Variants in CPSF3 observed in about 807,000 individuals in gnomAD.
The protein encoded by CPSF3 is cleavage and polyadenylation specific factor 3.
In CPSF3, 57 loss-of-function variants were observed where a neutral mutation model predicts 84.1. That is an observed-to-expected ratio of 0.68 (90% CI 0.55 to 0.85). CPSF3 has a LOEUF of 0.85. Ranked by LOEUF, CPSF3 falls within the 40% of genes least tolerant of loss-of-function variation. The pLI is 0.00. For missense variants in CPSF3, 522 were observed against 838.8 expected, an observed-to-expected ratio of 0.62 and a Z score of 4.66; for synonymous variants, 275 against 278.1, an observed-to-expected ratio of 0.99 and a Z score of 0.11.
chr2:9,455,326 G>A (rs949567854), intron 12 of CPSF3, among the ~76,000 whole-genome samples: 1 of 152,022 alleles, frequency 6.6e-6, no homozygotes, highest in South Asian at 2.1e-4. Context: ...AGTAGAGACG[G>A]TGTTTCACAA....
chr2:9,465,542 TACACAC>T (rs59250489), intron 15 of CPSF3, among the ~76,000 whole-genome samples: 1 of 149,768 alleles, frequency 6.7e-6, no homozygotes, highest in African/African-American at 2.4e-5. Context: ...CCCCATATCA[TACACAC>T]ACACACACAC....
At position 9,448,277 on chromosome 2, in the gene CPSF3, T is replaced by C; in HGVS notation, c.1322T>C (p.Val441Ala). Reference sequence around the variant, plus strand: ...CGAGAATATGAAGATAACGATGAAGTTCACATAGAGGTTCATAATCCTCGG... The same window carrying C: ...CGAGAATATGAAGATAACGATGAAGCTCACATAGAGGTTCATAATCCTCGG... ...LIREYEDNDEVHIEVHNPRNT... is the reference protein window; with the variant it reads ...LIREYEDNDEAHIEVHNPRNT... The change falls in exon 11 of 18, where the codon GTT becomes GCT. Residue 441 changes from valine (V) to alanine (A), a missense_variant. Around this residue, in one of 2 missense-constraint regions of CPSF3, gnomAD observed 329 missense variants for 607.2 expected, o/e 0.54. Transcript: ENST00000238112. The C allele has an allele frequency of 6.2e-7, 1 of 1,612,900 alleles. No individual in the cohort carries two copies. Among genetic ancestry groups the C allele is most frequent in the Non-Finnish European group, 8.5e-7 (1 of 1,179,072 alleles).
rs59748918 is a variant in CPSF3, at chr2:9,449,376, C to T, written c.1395+1026C>T. ...GAGAGATGGAGGTTGCGGTGAGCTGCGATCGCGCCAATGCACTCCAGCCTG... is the reference window on the plus strand; with the variant it reads ...GAGAGATGGAGGTTGCGGTGAGCTGTGATCGCGCCAATGCACTCCAGCCTG... On this transcript the variant is annotated intron_variant, in intron 11 of 17. Coordinates refer to ENST00000238112, the MANE Select transcript of CPSF3 (RefSeq NM_016207.4). 0.018 allele frequency among the ~76,000 whole-genome samples: 2,791 copies of T among 152,066 alleles called. 231 individuals carry two copies. The East Asian group carries it at 0.27, about 15-fold the overall frequency.
intron 1 of CPSF3, chr2:9,424,039 A>G (rs1680228631): frequency 7.8e-7 from 1 of 1,281,924 alleles, no homozygotes; most frequent in Non-Finnish European, 9.9e-7. Flanking sequence ...CTTTTTCATC[A>G]GTTTCAGGGG....
rs1417180782 is a variant in CPSF3 at position 9,449,012 on chromosome 2, C to T, written c.1395+662C>T. Among the ~76,000 whole-genome samples, 3 of 152,150 alleles carry T rather than the reference C, an allele frequency of 2.0e-5. No homozygotes were observed. In the East Asian group the frequency reaches 5.8e-4, roughly 29 times the overall value. On this transcript the variant is annotated intron_variant, in intron 11 of 17. Coordinates refer to ENST00000238112, the MANE Select transcript of CPSF3 (RefSeq NM_016207.4). ...ACCTCTTGTCATTCTCCCTGAGAATCTGAAGATAGGCTCATATCTCTAAAC... is the reference window on the plus strand; with the variant it reads ...ACCTCTTGTCATTCTCCCTGAGAATTTGAAGATAGGCTCATATCTCTAAAC...
At chr2:9,435,110 A>G (rs542950729) in intron 6 of CPSF3, among the ~76,000 whole-genome samples, 4 of 152,342 alleles carry the variant, frequency 2.6e-5, no homozygotes, top group South Asian at 2.1e-4. Context: ...TAATCATCTG[A>G]TGATATTGCT....
At chr2:9,462,039 C>CT (rs1681743576) in intron 15 of CPSF3, among the ~76,000 whole-genome samples, 1 of 152,112 alleles carries the variant, frequency 6.6e-6, no homozygotes, top group Non-Finnish European at 1.5e-5. Flanking sequence ...GGATTACAGG[C>CT]TTCAGCCACC....
At chr2:9,456,719 G>A (rs1037172727) in intron 13 of CPSF3, among the ~76,000 whole-genome samples, 6 of 152,190 alleles carry the variant, frequency 3.9e-5, no homozygotes, top group Admixed American at 1.3e-4. Context: ...AATGTTTGAT[G>A]TCCAGGGTAA....
chr2:9,447,272 G>A (rs1420150043), intron 10 of CPSF3, among the ~76,000 whole-genome samples: 1 of 151,728 alleles, frequency 6.6e-6, no homozygotes, highest in Non-Finnish European at 1.5e-5. Context: ...TTGAGCCCAG[G>A]AGTTCAAGAC....
chr2:9,452,770 T>TA, intron 11 of CPSF3, 143 bp from the exon 12 acceptor site: 1 of 621,172 alleles, frequency 1.6e-6, no homozygotes. Context: ...ATATCAAACA[T>TA]TTTATGTTTT....
intron 1 of CPSF3, chr2:9,424,767 G>A (rs1442024608): frequency 6.6e-6 from 1 of 152,150 alleles, no homozygotes; most frequent in African/African-American, 2.4e-5. Flanking sequence ...CCAGTTAATT[G>A]CTCTCGCTCT....
At chr2:9,466,735 G>C (rs1681994592) in intron 15 of CPSF3, among the ~76,000 whole-genome samples, 1 of 152,212 alleles carries the variant, frequency 6.6e-6, no homozygotes, top group African/African-American at 2.4e-5. Flanking sequence ...CCTGTTCTCA[G>C]CGTTTCAGAT....
At chr2:9,449,554 C>T (rs1341825774) in intron 11 of CPSF3, among the ~76,000 whole-genome samples, 3 of 152,132 alleles carry the variant, frequency 2.0e-5, no homozygotes. Context: ...CCAGGCTCGG[C>T]AACGTGGTGA....
intron 15 of CPSF3, among the ~76,000 whole-genome samples, chr2:9,466,344 GCGCGCGCGCA>G (rs1681962524): frequency 1.1e-5 from 1 of 90,802 alleles, no homozygotes; most frequent in African/African-American, 3.2e-5. Flanking sequence ...GCACACACGC[GCGCGCGCGCA>G]CACACACACG....
chr2:9,456,166 A>G (rs1681519211), intron 13 of CPSF3, among the ~76,000 whole-genome samples: 2 of 152,110 alleles, frequency 1.3e-5, no homozygotes, highest in African/African-American at 2.4e-5. Flanking sequence ...ACCAGTCTAT[A>G]CAGCAGGTTT....
At chr2:9,446,621 T>C (rs1227203682) in intron 10 of CPSF3, among the ~76,000 whole-genome samples, 2 of 146,988 alleles carry the variant, frequency 1.4e-5, no homozygotes, top group Admixed American at 1.4e-4. Context: ...TAGGTAGGCA[T>C]GGTGGTTCAC....
Position 9,443,620 on chromosome 2 carries a change from C to T in CPSF3, c.1201C>T (p.Gln401Ter). Reference sequence around the variant, plus strand: ...TTTCTCAGCTCACACGGATTACCAGCAAACCAGTGAATTTATTCGTGCTTT... The same window carrying T: ...TTTCTCAGCTCACACGGATTACCAGTAAACCAGTGAATTTATTCGTGCTTT... Reference protein sequence around the residue: ...ISFSAHTDYQQTSEFIRALKP... With the variant: ...ISFSAHTDYQ The change falls in exon 10 of 18, where the codon CAA becomes TAA. Residue 401 changes from glutamine to a stop codon, truncating the protein, a stop_gained. Coordinates refer to ENST00000238112, the MANE Select transcript of CPSF3 (RefSeq NM_016207.4). LOFTEE classifies it high-confidence loss of function. 6.2e-7 allele frequency: 1 copy of T among 1,614,152 alleles called. No homozygotes were observed. The highest frequency in any genetic ancestry group is 8.5e-7 in the Non-Finnish European group (1 of 1,180,034).
In CPSF3 at chr2:9,440,531, A is replaced by G. The variant is rs1680932787; in HGVS notation, c.801A>G (p.Pro267=). ...ATCACCCAGAACTACATGACATTCC[A>G]ATATACTATGCATCATCTTTGGCCA... The part of the protein sequence containing the change: ...WQNHPELHDI[P]IYYASSLAKK... Residue 267 remains proline (P), a synonymous_variant, in exon 8 of 18, where the codon CCA becomes CCG. Transcript: ENST00000238112. The G allele has an allele frequency of 2.5e-6, 4 of 1,614,088 alleles. No homozygotes were observed. The highest frequency in any genetic ancestry group is 2.2e-5 in the South Asian group (2 of 91,092).
intron 1 of CPSF3, 86 bp downstream of exon 1, chr2:9,423,909 C>T (rs1680219606): frequency 1.3e-6 from 2 of 1,555,812 alleles, no homozygotes; most frequent in African/African-American, 1.4e-5. Context: ...CCGTCGCCCG[C>T]GCTCCCACCT....
Sources: gnomAD v4.1 joint callset for allele counts (sites outside exome capture counted in the v4.1 genomes callset) on GRCh38, gnomAD v4.1.1 for gene constraint, gnomAD v4.1.1 regional missense constraint, MANE v1.5 for transcripts, NCBI Gene and HGNC (gene_info 2026-07-23, HGNC 2026-07-21) for gene names.